Variants in ATG7 observed in about 807,000 individuals in gnomAD.
ATG7 encodes ubiquitin-like modifier-activating enzyme ATG7.
In ATG7, 70 loss-of-function variants were observed where a neutral mutation model predicts 82.4. That is an observed-to-expected ratio of 0.85 (90% CI 0.70 to 1.04). The LOEUF is 1.04. ATG7 is among the 50% of genes least tolerant of loss of function. The pLI, the probability that ATG7 is intolerant of heterozygous loss-of-function variation, is 0.00. For missense variants in ATG7, 792 were observed against 864.3 expected, an observed-to-expected ratio of 0.92 and a Z score of 1.05; for synonymous variants, 287 against 313.0, an observed-to-expected ratio of 0.92 and a Z score of 0.88.
chr3:11,572,729 T>C, the ATG7 span, among the ~76,000 whole-genome samples: 2 of 152,196 alleles, frequency 1.3e-5, no homozygotes, highest in African/African-American at 4.8e-5. Flanking sequence ...GTCTTGGAGC[T>C]CTACCCATGT....
chr3:11,297,245 C>T lies in ATG7; in HGVS notation c.-10-1441C>T, dbSNP rs576356579. 2.0e-5 allele frequency among the ~76,000 whole-genome samples: 3 copies of T among 152,218 alleles called. No individual in the cohort carries two copies. The South Asian group carries it at 6.2e-4, about 32-fold the overall frequency. On this transcript the variant is annotated intron_variant, in intron 3 of 20. Coordinates refer to ENST00000693202, the MANE Select transcript of ATG7 (RefSeq NM_001349232.2). ...CGGTAGCCCATGCCTGTAGTCTCAGCCACTCGGGAGGCTGAGGTGGGAGGA... is the reference window on the plus strand; with the variant it reads ...CGGTAGCCCATGCCTGTAGTCTCAGTCACTCGGGAGGCTGAGGTGGGAGGA...
intron 9 of ATG7, among the ~76,000 whole-genome samples, chr3:11,330,429 G>A (rs1004621035): frequency 2.6e-5 from 4 of 152,052 alleles, no homozygotes; most frequent in Admixed American, 2.6e-4. Flanking sequence ...TTATATTGTT[G>A]CACAAATTGT....
chr3:11,503,541 G>A (rs546575752), intron 20 of ATG7, among the ~76,000 whole-genome samples: 2 of 151,824 alleles, frequency 1.3e-5, no homozygotes, highest in African/African-American at 2.4e-5. Context: ...GGCAGATCAC[G>A]AAGTCAGGAG....
intron 10 of ATG7, 30 bp from the exon 11 acceptor site, chr3:11,332,938 TAATA>T (rs761816127): frequency 9.9e-6 from 14 of 1,408,494 alleles, no homozygotes; most frequent in Non-Finnish European, 1.3e-5. Flanking sequence ...TAAAAAAAAA[TAATA>T]AATAAATAAA....
intron 20 of ATG7, among the ~76,000 whole-genome samples, chr3:11,494,154 C>T (rs746878976): frequency 2.0e-5 from 3 of 152,174 alleles, no homozygotes; most frequent in Non-Finnish European, 4.4e-5. Flanking sequence ...CTGCAGCAGG[C>T]AAGATGGGAG....
intron 20 of ATG7, among the ~76,000 whole-genome samples, chr3:11,497,778 C>T (rs1335447946): frequency 2.6e-5 from 4 of 152,014 alleles, no homozygotes; most frequent in Non-Finnish European, 5.9e-5. Context: ...CCAATATTCC[C>T]ATCTGCTGTA....
chr3:11,481,430 C>T (rs1403382737), intron 20 of ATG7, among the ~76,000 whole-genome samples: 1 of 152,182 alleles, frequency 6.6e-6, no homozygotes, highest in Non-Finnish European at 1.5e-5. Context: ...TTTCCCCTAG[C>T]AAAATGTAAG....
chr3:11,542,842 C>T (rs1226532765), intron 20 of ATG7, among the ~76,000 whole-genome samples: 5 of 152,168 alleles, frequency 3.3e-5, no homozygotes, highest in African/African-American at 9.7e-5. Flanking sequence ...AAGTGTAGCT[C>T]GGAGGTGCTG....
At chr3:11,532,526 C>T (rs1024313212) in intron 20 of ATG7, among the ~76,000 whole-genome samples, 18 of 152,102 alleles carry the variant, frequency 1.2e-4, no homozygotes, top group African/African-American at 4.4e-4. Flanking sequence ...AGTTAGAGAC[C>T]AGCCTGGGCA....
At chr3:11,548,137 C>T (rs2071445010) in intron 20 of ATG7, among the ~76,000 whole-genome samples, 1 of 152,228 alleles carries the variant, frequency 6.6e-6, no homozygotes, top group African/African-American at 2.4e-5. Context: ...AGCCACCACG[C>T]TTGGACTTTT....
chr3:11,529,472 T>A (rs983339368), intron 20 of ATG7: 1 of 153,068 alleles, frequency 6.5e-6, no homozygotes, highest in Admixed American at 6.5e-5. Flanking sequence ...AGGGCCTTCT[T>A]CAAAATCAGG....
chr3:11,432,562 T>G (rs1032340616), intron 20 of ATG7, among the ~76,000 whole-genome samples: 1 of 151,876 alleles, frequency 6.6e-6, no homozygotes, highest in Non-Finnish European at 1.5e-5. Context: ...ACTGCTTGGG[T>G]GACAAGTGGA....
intron 9 of ATG7, among the ~76,000 whole-genome samples, chr3:11,318,249 A>C (rs1182051434): frequency 2.0e-5 from 3 of 152,152 alleles, no homozygotes; most frequent in African/African-American, 7.2e-5. Flanking sequence ...GCCTGGAATT[A>C]CTCAGCACAC....
intron 1 of ATG7, among the ~76,000 whole-genome samples, chr3:11,278,450 C>T (rs935865599): frequency 5.9e-5 from 9 of 152,224 alleles, no homozygotes; most frequent in Non-Finnish European, 1.2e-4. Context: ...CCGGTCCCTC[C>T]GTTCAGGGTC....
At position 11,442,033 on chromosome 3, in the gene ATG7, C is replaced by A. The variant is rs140875856; in HGVS notation, c.2079+15107C>A. On this transcript the variant is annotated intron_variant, in intron 20 of 20. Coordinates refer to ENST00000693202, the MANE Select transcript of ATG7 (RefSeq NM_001349232.2). ...GCCCAGGCTGGTCTTGAACTCCTGG[C>A]CTCAAGCCATTCACCTGCTTCGACT... 1.0e-3 allele frequency among the ~76,000 whole-genome samples: 158 copies of A among 152,306 alleles called. 1 individual carries two copies. Among genetic ancestry groups the A allele is most frequent in the African/African-American group, 3.7e-3 (152 of 41,554 alleles).
chr3:11,569,959 C>A, the ATG7 span, among the ~76,000 whole-genome samples: 1 of 152,178 alleles, frequency 6.6e-6, no homozygotes, highest in Non-Finnish European at 1.5e-5. Context: ...CTGAAGGGTG[C>A]CCTGAAACCT....
intron 20 of ATG7, among the ~76,000 whole-genome samples, chr3:11,486,542 CT>C (rs1348949463): frequency 6.6e-6 from 1 of 150,516 alleles, no homozygotes; most frequent in African/African-American, 2.4e-5. Flanking sequence ...CTTCTCCTGC[CT>C]AATTACCCTG....
intron 20 of ATG7, among the ~76,000 whole-genome samples, chr3:11,471,778 C>A (rs759978737): frequency 1.7e-5 from 2 of 116,158 alleles, no homozygotes; most frequent in Non-Finnish European, 3.3e-5. Context: ...TAGTCTCTAT[C>A]GCCCAGGCTG....
intron 20 of ATG7, among the ~76,000 whole-genome samples, chr3:11,446,060 C>T (rs1458146913): frequency 2.6e-5 from 4 of 151,922 alleles, no homozygotes; most frequent in African/African-American, 9.7e-5. Context: ...TGGAGCCCAG[C>T]GACCTTTGTT....
Sources: gnomAD v4.1 joint callset for allele counts (sites outside exome capture counted in the v4.1 genomes callset) on GRCh38, gnomAD v4.1.1 for gene constraint, MANE v1.5 for transcripts, NCBI Gene and HGNC (gene_info 2026-07-23, HGNC 2026-07-21) for gene names.